The following RBM25 variants were observed in gnomAD, a reference collection of about 807,000 sequenced individuals.
The protein encoded by RBM25 is RNA-binding protein 25.
In RBM25, 19 loss-of-function variants were observed where a neutral mutation model predicts 120.7. The observed-to-expected ratio is 0.16, with a 90% confidence interval of 0.11 to 0.23. The LOEUF is 0.23. RBM25 is among the 10% of genes least tolerant of loss of function. RBM25 has a pLI of 1.00. For synonymous variants in RBM25, 390 were observed against 326.7 expected (o/e 1.19, Z -2.09); for missense variants, 605 against 1,041.5 (o/e 0.58, Z 5.77).
intron 17 of RBM25, among the ~76,000 whole-genome samples, chr14:73,113,995 T>G (rs529650890): frequency 1.3e-3 from 191 of 152,318 alleles, no homozygotes; most frequent in Non-Finnish European, 1.6e-3. Flanking sequence ...TCTTTTGATA[T>G]TATGAACAGT....
At position 73,103,249 on chromosome 14, in the gene RBM25, C is replaced by T. The variant is rs1294375468; in HGVS notation, c.925C>T (p.Arg309Trp). ...AGAAAGACAGGAAATTGAGAAAGAA[C>T]GGAGAGAAAGAGAGAGGGAGCGTGA... The part of the protein sequence containing the change: ...EKERQEIEKE[R>W]RERERERERE... The change falls in exon 10 of 19, where the codon CGG (arginine) becomes TGG (tryptophan). Residue 309 changes from arginine (R) to tryptophan (W), a missense_variant. By Grantham distance (101) the Arg-to-Trp change is moderately radical (BLOSUM62 -3). Coordinates refer to ENST00000261973, the MANE Select transcript of RBM25 (RefSeq NM_021239.3). 8 of 1,602,296 alleles carry T rather than the reference C, an allele frequency of 5.0e-6. No homozygotes were observed. Among genetic ancestry groups the T allele is most frequent in the South Asian group, 2.2e-5 (2 of 89,926 alleles).
intron 5 of RBM25, among the ~76,000 whole-genome samples, chr14:73,087,464 C>T (rs1200403862): frequency 3.3e-5 from 5 of 150,468 alleles, no homozygotes; most frequent in African/African-American, 1.2e-4. Flanking sequence ...GGCGCTATCT[C>T]GGCTCACTGC....
chr14:73,103,948 T>TCTCTCTCACACACACA (rs1594928335), intron 10 of RBM25, among the ~76,000 whole-genome samples: 78 of 91,374 alleles, frequency 8.5e-4, no homozygotes, highest in Non-Finnish European at 1.5e-3. Context: ...TCTCTCTCTC[T>TCTCTCTCACACACACA]CACACACACA....
At chr14:73,119,599 A>C in intron 18 of RBM25, 114 bp from the exon 19 acceptor site, 1 of 1,529,232 alleles carries the variant, frequency 6.5e-7, no homozygotes, top group Non-Finnish European at 8.8e-7. Flanking sequence ...CTAGCATTTA[A>C]GTAATAAGTG....
chr14:73,087,932 A>G lies in RBM25; in HGVS notation c.383-69A>G, dbSNP rs563943684. The G allele has an allele frequency of 2.9e-5, 43 of 1,487,848 alleles. No homozygotes were observed. In the South Asian group the frequency reaches 3.6e-4, roughly 12 times the overall value. 92.2% of individuals were successfully genotyped at this position (1,487,848 alleles called of 1,614,324 possible). A position where few individuals can be genotyped will look rare whatever the true frequency, so the allele number is the denominator to read the frequency against. ...AAAACATTTGGACTCTAGTGATTCT[A>G]CTTTTCCATAATTTTTTTTCTTTTG... is the stretch of plus-strand genomic sequence containing the variant. On this transcript the variant is annotated intron_variant, in intron 5 of 18. Coordinates refer to ENST00000261973, the MANE Select transcript of RBM25 (RefSeq NM_021239.3).
At chr14:73,089,687 A>G (rs549869604) in intron 6 of RBM25, among the ~76,000 whole-genome samples, 1 of 86,064 alleles carries the variant, frequency 1.2e-5, no homozygotes, top group Non-Finnish European at 2.2e-5. Flanking sequence ...GTTTGTTTGA[A>G]ATGGAGTTTC....
chr14:73,100,371 G>A, intron 9 of RBM25: 1 of 644,038 alleles, frequency 1.6e-6, no homozygotes, highest in South Asian at 1.7e-5. Flanking sequence ...ATGTAAGTAT[G>A]AGCTTCTGTT....
chr14:73,061,152 G>T (rs2140417590), intron 1 of RBM25, among the ~76,000 whole-genome samples: 1 of 150,756 alleles, frequency 6.6e-6, no homozygotes, highest in South Asian at 2.1e-4. Flanking sequence ...CCGCCTCCCG[G>T]GTTCAAGCAA....
At chr14:73,115,199 G>A (rs1261160207) in intron 18 of RBM25, among the ~76,000 whole-genome samples, 2 of 144,632 alleles carry the variant, frequency 1.4e-5, no homozygotes, top group African/African-American at 2.7e-5. Flanking sequence ...TTTTAAGTCG[G>A]ATACATGTGC....
intron 5 of RBM25, among the ~76,000 whole-genome samples, chr14:73,085,315 C>CCAAGATGTAGTTTCACT (rs1166127498): frequency 6.8e-4 from 102 of 149,644 alleles, no homozygotes; most frequent in East Asian, 1.2e-3. Flanking sequence ...CCGCGCCCGG[C>CCAAGATGTAGTTTCACT]CTCATCAGTA....
chr14:73,118,542 T>C (rs1056897843), intron 18 of RBM25, among the ~76,000 whole-genome samples: 10 of 152,176 alleles, frequency 6.6e-5, no homozygotes, highest in Non-Finnish European at 1.3e-4. Flanking sequence ...TGTATTGTTA[T>C]TATGTAATTG....
chr14:73,096,849 G>A, intron 6 of RBM25, 66 bp from the exon 7 acceptor site: 1 of 1,375,004 alleles, frequency 7.3e-7, no homozygotes, highest in South Asian at 1.2e-5. Flanking sequence ...ATTAACTCTT[G>A]TTGTAGAGTG....
intron 1 of RBM25, among the ~76,000 whole-genome samples, chr14:73,064,236 G>A (rs1895073405): frequency 6.6e-6 from 1 of 151,284 alleles, no homozygotes; most frequent in Non-Finnish European, 1.5e-5. Flanking sequence ...GATAAGCTTT[G>A]CTTATGATTA....
intron 7 of RBM25, among the ~76,000 whole-genome samples, chr14:73,097,469 G>T (rs959431578): frequency 2.0e-5 from 3 of 152,036 alleles, no homozygotes; most frequent in Admixed American, 6.6e-5. Flanking sequence ...ACAGTGCTGG[G>T]ATTACAGGCG....
intron 8 of RBM25, 24 bp downstream of exon 8, chr14:73,099,457 A>G: frequency 6.2e-7 from 1 of 1,605,890 alleles, no homozygotes; most frequent in Non-Finnish European, 8.5e-7. Flanking sequence ...GTAGGCTTTG[A>G]CAATACCTGT....
chr14:73,113,433 T>TG (rs1251465060), intron 17 of RBM25, among the ~76,000 whole-genome samples: 2 of 151,410 alleles, frequency 1.3e-5, no homozygotes, highest in African/African-American at 4.8e-5. Flanking sequence ...GCCCACGCCT[T>TG]GTAATTCCCG....
intron 17 of RBM25, among the ~76,000 whole-genome samples, chr14:73,113,812 T>C (rs1335457948): frequency 6.6e-6 from 1 of 152,248 alleles, no homozygotes; most frequent in Non-Finnish European, 1.5e-5. Flanking sequence ...AGATTGTGTC[T>C]TGGCTATGTT....
intron 12 of RBM25, chr14:73,107,354 TA>T (rs2140459210): frequency 6.5e-6 from 1 of 154,058 alleles, no homozygotes; most frequent in East Asian, 1.9e-4. Context: ...ATATGAAAAC[TA>T]AAATTTAAGA....
At position 73,103,368 on chromosome 14, in the gene RBM25, T is replaced by C; in HGVS notation, c.1044T>C (p.Asp348=). The part of the protein sequence containing the change: ...EKERERERER[D]RDRDRTKERD... ...AACGGGAGCGGGAACGAGAACGGGA[T>C]AGGGACCGTGACCGGACAAAAGAGA... Residue 348 remains aspartate, a synonymous_variant, in exon 10 of 19, where the codon GAT becomes GAC. Transcript: ENST00000261973. The C allele has an allele frequency of 6.2e-7, 1 of 1,609,130 alleles. No homozygotes were observed. Among genetic ancestry groups the C allele is most frequent in the Non-Finnish European group, 8.5e-7 (1 of 1,177,596 alleles).
Sources: gnomAD v4.1 joint callset for allele counts (sites outside exome capture counted in the v4.1 genomes callset) on GRCh38, gnomAD v4.1.1 for gene constraint, MANE v1.5 for transcripts, NCBI Gene and HGNC (gene_info 2026-07-23, HGNC 2026-07-21) for gene names.